The following CDH13 variants were observed in gnomAD, a reference collection of about 807,000 sequenced individuals.
The protein encoded by CDH13 is cadherin-13.
Under a neutral mutation model 63.8 loss-of-function variants are expected in CDH13, and 24 were observed. The observed-to-expected ratio is 0.38, with a 90% CI of 0.27 to 0.53. The LOEUF is 0.53. Among genes scored for constraint, CDH13 ranks in the 20% least tolerant of loss-of-function variants. The probability of loss-of-function intolerance (pLI) is 0.85; values close to 1 mark genes in which losing one functional copy is unlikely to be tolerated. For synonymous variants in CDH13, 503 were observed against 355.3 expected (o/e 1.42, Z -4.67); for missense variants, 1,049 against 903.1 (o/e 1.16, Z -2.07).
At chr16:82,839,694 T>C (rs1345073757) in intron 1 of CDH13, among the ~76,000 whole-genome samples, 1 of 152,202 alleles carries the variant, frequency 6.6e-6, no homozygotes, top group Non-Finnish European at 1.5e-5. Flanking sequence ...CTAGGGCTTA[T>C]TTGCCCTTGG....
chr16:83,493,059 C>T (rs1222269566), intron 7 of CDH13, among the ~76,000 whole-genome samples: 1 of 143,998 alleles, frequency 6.9e-6, no homozygotes, highest in African/African-American at 2.9e-5. Flanking sequence ...GTTGTGAGAC[C>T]TCTCTAAACC....
chr16:83,599,103 G>C (rs142838338), intron 7 of CDH13, among the ~76,000 whole-genome samples: 4 of 152,176 alleles, frequency 2.6e-5, no homozygotes, highest in African/African-American at 9.7e-5. Context: ...GGTGATGCCC[G>C]AGGGAATTAT....
At chr16:83,636,884 A>T (rs1911312959) in intron 8 of CDH13, among the ~76,000 whole-genome samples, 1 of 152,188 alleles carries the variant, frequency 6.6e-6, no homozygotes, top group African/African-American at 2.4e-5. Context: ...CCAGCAGCAT[A>T]TATGTGTTCC....
intron 6 of CDH13, among the ~76,000 whole-genome samples, chr16:83,444,633 T>A (rs2072612532): frequency 6.6e-6 from 1 of 152,204 alleles, no homozygotes; most frequent in Non-Finnish European, 1.5e-5. Context: ...GGGCCATCAT[T>A]GCTCATGTCC....
chr16:82,987,162 C>G (rs1054695762), intron 2 of CDH13, among the ~76,000 whole-genome samples: 4 of 152,116 alleles, frequency 2.6e-5, no homozygotes, highest in African/African-American at 9.7e-5. Context: ...CTCCATTGCT[C>G]CCTCCTCTGT....
At chr16:83,077,186 CTTTTTTT>C (rs34536219) in intron 3 of CDH13, among the ~76,000 whole-genome samples, 923 of 59,190 alleles carry the variant, frequency 0.016, 4 homozygotes, top group African/African-American at 0.059. Context: ...TTTTTCTTTT[CTTTTTTT>C]TTTTTTTTTT....
chr16:82,949,356 T>C (rs1304633906), intron 2 of CDH13, among the ~76,000 whole-genome samples: 1 of 152,176 alleles, frequency 6.6e-6, no homozygotes, highest in East Asian at 1.9e-4. Context: ...TGGCATTTTC[T>C]TATATGGACC....
At chr16:82,958,941 C>G (rs1289341802) in intron 2 of CDH13, among the ~76,000 whole-genome samples, 2 of 152,204 alleles carry the variant, frequency 1.3e-5, no homozygotes, top group African/African-American at 4.8e-5. Flanking sequence ...CAAGGTTTTC[C>G]TGGTGCAGAA....
intron 2 of CDH13, among the ~76,000 whole-genome samples, chr16:82,911,954 C>G (rs963366658): frequency 1.1e-4 from 16 of 151,956 alleles, no homozygotes; most frequent in African/African-American, 3.9e-4. Context: ...TTGCTGACTC[C>G]TCTCCTGAAC....
intron 3 of CDH13, among the ~76,000 whole-genome samples, chr16:83,061,775 C>T (rs202061291): frequency 5.3e-5 from 8 of 152,168 alleles, no homozygotes; most frequent in East Asian, 1.9e-4. Context: ...ACCCCAGATA[C>T]GGCACTTATG....
chr16:83,605,889 C>A (rs1486179436), intron 8 of CDH13, among the ~76,000 whole-genome samples: 1 of 152,120 alleles, frequency 6.6e-6, no homozygotes, highest in Admixed American at 6.5e-5. Context: ...AGGGGAGAAG[C>A]AATTCTGCAG....
intron 7 of CDH13, among the ~76,000 whole-genome samples, chr16:83,588,651 G>A (rs1906413129): frequency 6.6e-6 from 1 of 152,202 alleles, no homozygotes; most frequent in Admixed American, 6.5e-5. Context: ...AGGCACCAAA[G>A]GGAAGCTTCT....
chr16:83,689,591 G>A (rs180772887), intron 10 of CDH13, among the ~76,000 whole-genome samples: 1 of 152,172 alleles, frequency 6.6e-6, no homozygotes, highest in Non-Finnish European at 1.5e-5. Flanking sequence ...GAATCTCAAA[G>A]CTTGTATTTT....
chr16:82,743,982 C>G (rs1402254083), intron 1 of CDH13, among the ~76,000 whole-genome samples: 2 of 152,176 alleles, frequency 1.3e-5, no homozygotes, highest in Non-Finnish European at 2.9e-5. Context: ...CTCTTTTAGA[C>G]TTTGGAGAAA....
At chr16:83,631,128 A>AT (rs1910743596) in intron 8 of CDH13, among the ~76,000 whole-genome samples, 2 of 152,310 alleles carry the variant, frequency 1.3e-5, no homozygotes, top group East Asian at 3.9e-4. Context: ...TAAGAAAGGC[A>AT]TTTTGCAGCC....
chr16:82,724,662 A>C (rs986449097), intron 1 of CDH13, among the ~76,000 whole-genome samples: 31 of 152,224 alleles, frequency 2.0e-4, no homozygotes, highest in Non-Finnish European at 2.2e-4. Flanking sequence ...ATGGATAGTC[A>C]AAAGAGACTG....
chr16:83,653,637 C>T (rs1912597108), intron 8 of CDH13, among the ~76,000 whole-genome samples: 3 of 152,250 alleles, frequency 2.0e-5, no homozygotes, highest in South Asian at 2.1e-4. Flanking sequence ...TGACAGGAAA[C>T]AGAACCCAGG....
chr16:83,263,466 TC>T (rs763042147), intron 5 of CDH13, among the ~76,000 whole-genome samples: 2 of 152,148 alleles, frequency 1.3e-5, no homozygotes, highest in African/African-American at 2.4e-5. Context: ...ACCAACCACA[TC>T]ACAGAATGGA....
intron 6 of CDH13, among the ~76,000 whole-genome samples, chr16:83,454,957 G>A (rs1292885539): frequency 5.9e-5 from 9 of 152,140 alleles, no homozygotes; most frequent in East Asian, 3.9e-4. Flanking sequence ...TGATCCACCC[G>A]CCTCAGCCTC....
Sources: gnomAD v4.1 joint callset for allele counts (sites outside exome capture counted in the v4.1 genomes callset) on GRCh38, gnomAD v4.1.1 for gene constraint, MANE v1.5 for transcripts, NCBI Gene and HGNC (gene_info 2026-07-23, HGNC 2026-07-21) for gene names.